TPMT: variants seen among roughly 807,000 people sequenced by gnomAD.
TPMT encodes the protein thiopurine S-methyltransferase.
A neutral mutation model predicts 34.2 loss-of-function variants in TPMT; 18 were observed. The observed-to-expected ratio is 0.53, with a 90% confidence interval of 0.36 to 0.78. The LOEUF (loss-of-function observed/expected upper bound fraction) is 0.78, where lower values mean the gene tolerates loss of function less well. TPMT is among the 30% of genes least tolerant of loss of function. The pLI, the probability that TPMT is intolerant of heterozygous loss-of-function variation, is 0.00. For missense variants in TPMT, 265 were observed against 288.1 expected (o/e 0.92, Z 0.58); for synonymous variants, 69 against 92.4 (o/e 0.75, Z 1.45).
chr6:18,153,724 A>G lies in TPMT; in HGVS notation c.-45+1309T>C, dbSNP rs1467542882. Among the ~76,000 whole-genome samples, 1 of 152,222 alleles carries G rather than the reference A, an allele frequency of 6.6e-6. No homozygotes were observed. The highest frequency in any genetic ancestry group is 1.9e-4 in the East Asian group (1 of 5,202). ...TATCTGATTTATATTGGGTACAGAAAAGCAAAAGAATGTTGCAGTTTTCTC... is the reference window on the plus strand; with the variant it reads ...TATCTGATTTATATTGGGTACAGAAGAGCAAAAGAATGTTGCAGTTTTCTC... On this transcript the variant is annotated intron_variant, in intron 1 of 8. Coordinates refer to ENST00000309983, the MANE Select transcript of TPMT (RefSeq NM_000367.5). This position sits in a 1 kb window ranked among gnomAD's most constrained non-coding sequence, Gnocchi z 4.2.
chr6:18,147,863 C>T lies in TPMT; in HGVS notation c.193G>A (p.Val65Ile). The change falls in exon 3 of 9, where the codon GTA (valine) becomes ATA (isoleucine). Residue 65 changes from valine to isoleucine, a missense_variant. Val to Ile is a conservative substitution (Grantham distance 29, BLOSUM62 3). Transcript: ENST00000309983. Reference protein sequence around the residue: ...TFLKGKSGLRVFFPLCGKAVE... With the variant: ...TFLKGKSGLRIFFPLCGKAVE... ...GCTTTTCCGCAAAGAGGAAAAAATA[C>T]CCTCAGTCCACTCTTGCCTTTAAGG... 1 of 1,613,866 alleles carries T rather than the reference C, an allele frequency of 6.2e-7. No individual in the cohort carries two copies. The highest frequency in any genetic ancestry group is 8.5e-7 in the Non-Finnish European group (1 of 1,179,936).
Position 18,153,001 on chromosome 6 carries a change from T to C in TPMT, c.-45+2032A>G, listed in dbSNP as rs1035496510. Among the ~76,000 whole-genome samples the C allele has an allele frequency of 6.6e-6, 1 of 152,236 alleles. No homozygotes were observed. The highest frequency in any genetic ancestry group is 1.5e-5 in the Non-Finnish European group (1 of 68,040). The stretch of plus-strand genomic sequence containing the variant: ...GGCCAAAAACTCCATCCTGTGATTG[T>C]GGTAACACCGCCATTTTTTGTGCAT... On this transcript the variant is annotated intron_variant, in intron 1 of 8. Transcript: ENST00000309983. This position sits in a 1 kb window ranked among gnomAD's most constrained non-coding sequence, Gnocchi z 4.2.
rs1783936458 is a variant in TPMT at position 18,131,377 on chromosome 6, G to T, written c.626-597C>A. Among the ~76,000 whole-genome samples, 2 of 151,844 alleles carry T rather than the reference G, an allele frequency of 1.3e-5. No individual in the cohort carries two copies. Among genetic ancestry groups the T allele is most frequent in the South Asian group, 4.1e-4 (2 of 4,820 alleles). On this transcript the variant is annotated intron_variant, in intron 8 of 8. Coordinates refer to ENST00000309983, the MANE Select transcript of TPMT (RefSeq NM_000367.5). The surrounding 1 kb of genome is among the most constrained non-coding windows in gnomAD (Gnocchi z 4.3). ...GAGGATCACTTGAGCCCAGGAGTTC[G>T]AGACCAGCCTGGGCAATGTGGTTAA...
intron 1 of TPMT, among the ~76,000 whole-genome samples, chr6:18,152,838 A>G (rs1466201180): frequency 1.3e-5 from 2 of 152,120 alleles, no homozygotes; most frequent in African/African-American, 2.4e-5. Flanking sequence ...TCTACCACTG[A>G]TATCAACCAA....
Position 18,138,905 on chromosome 6 carries a change from AAAAGT to A in TPMT, c.494+53_494+57del. Reference sequence around the variant, plus strand: ...CTAAGCTGATTTTCTAGAACCCAGAAAAAGTATAGTATACTAAAAAATTAAGACAG... The same window carrying A: ...CTAAGCTGATTTTCTAGAACCCAGAAATAGTATACTAAAAAATTAAGACAG... On this transcript the variant is annotated intron_variant, in intron 6 of 8. Coordinates refer to ENST00000309983, the MANE Select transcript of TPMT (RefSeq NM_000367.5). This position sits in a 1 kb window ranked among gnomAD's most constrained non-coding sequence, Gnocchi z 4.1. 1 of 1,421,636 alleles carries A rather than the reference AAAAGT, an allele frequency of 7.0e-7. No individual in the cohort carries two copies. The highest frequency in any genetic ancestry group is 9.8e-7 in the Non-Finnish European group (1 of 1,016,206). 88.1% of individuals were successfully genotyped at this position (1,421,636 alleles called of 1,614,324 possible).
At chr6:18,147,720 T>G in intron 3 of TPMT, 103 bp downstream of exon 3, 1 of 1,029,742 alleles carries the variant, frequency 9.7e-7, no homozygotes. Context: ...GGAATTTCTG[T>G]GTATTTCCTG....
In TPMT at chr6:18,149,468, CTTG is replaced by C. The variant is rs1784311259; in HGVS notation, c.-44-300_-44-298del. ...ATCATGCCCAGCTAATCTTTCTTTC[CTTG>C]TTTTTTTTTTTTTCAGAGACAAGGT... On this transcript the variant is annotated intron_variant, in intron 1 of 8. Coordinates refer to ENST00000309983, the MANE Select transcript of TPMT (RefSeq NM_000367.5). The surrounding 1 kb of genome is among the most constrained non-coding windows in gnomAD (Gnocchi z 5.0). Among the ~76,000 whole-genome samples the C allele has an allele frequency of 2.7e-5, 4 of 150,348 alleles. No homozygotes were observed. The highest frequency in any genetic ancestry group is 7.4e-5 in the African/African-American group (3 of 40,816).
At chr6:18,133,383 T>A (rs1210267632) in intron 7 of TPMT, among the ~76,000 whole-genome samples, 1 of 152,250 alleles carries the variant, frequency 6.6e-6, no homozygotes, top group African/African-American at 2.4e-5. Context: ...CCTGCACAAC[T>A]TCTGCATCCC....
intron 2 of TPMT, 41 bp from the exon 3 acceptor site, chr6:18,147,956 G>A (rs1784278995): frequency 6.9e-7 from 1 of 1,448,328 alleles, no homozygotes; most frequent in African/African-American, 1.4e-5. Flanking sequence ...CAATTGTATG[G>A]TAGGTGAACA....
In TPMT at chr6:18,146,191, CTG is replaced by C. The variant is rs1221943902; in HGVS notation, c.233+1630_233+1631del. On this transcript the variant is annotated intron_variant, in intron 3 of 8. Coordinates refer to ENST00000309983, the MANE Select transcript of TPMT (RefSeq NM_000367.5). This position sits in a 1 kb window ranked among gnomAD's most constrained non-coding sequence, Gnocchi z 6.2. ...CATATATATATATACATAAAAATAACTGTATTTACGTATATATACATATATAT... is the reference window on the plus strand; with the variant it reads ...CATATATATATATACATAAAAATAACTATTTACGTATATATACATATATAT... 1.3e-5 allele frequency among the ~76,000 whole-genome samples: 2 copies of C among 150,956 alleles called. No individual in the cohort carries two copies. Among genetic ancestry groups the C allele is most frequent in the African/African-American group, 4.9e-5 (2 of 41,068 alleles).
chr6:18,130,507 A>T lies in TPMT; in HGVS notation c.*161T>A, dbSNP rs1339133058. On this transcript the variant is annotated 3_prime_UTR_variant, in exon 9 of 9. Transcript: ENST00000309983. This position sits in a 1 kb window ranked among gnomAD's most constrained non-coding sequence, Gnocchi z 4.2. ...CATCTTTTTCTTCTAAAACTTTTTT[A>T]GAAAAAGTAAATGGCTTTACTAAAA... 1.0e-5 allele frequency: 6 copies of T among 586,686 alleles called. No homozygotes were observed. The highest frequency in any genetic ancestry group is 3.1e-5 in the Admixed American group (1 of 32,376). The allele number at this position is 586,686 out of a possible 1,614,324, so 36.3% of individuals were successfully genotyped here.
In TPMT at chr6:18,143,791, TTAGAG is replaced by T. The variant is rs1352405067; in HGVS notation, c.234-68_234-64del. ...TCAAATGACTAAATAGAGGGTTATA[TTAGAG>T]TAAGCATATATTTTCTTTAATTTAG... On this transcript the variant is annotated intron_variant, in intron 3 of 8. Transcript: ENST00000309983. The surrounding 1 kb of genome is among the most constrained non-coding windows in gnomAD (Gnocchi z 6.1). 3 of 1,585,426 alleles carry T rather than the reference TTAGAG, an allele frequency of 1.9e-6. No homozygotes were observed. The African/African-American group carries it at 4.1e-5, about 21-fold the overall frequency.
At position 18,140,470 on chromosome 6, in the gene TPMT, G is replaced by A. The variant is rs1005384625; in HGVS notation, c.367-753C>T. On this transcript the variant is annotated intron_variant, in intron 4 of 8. Transcript: ENST00000309983. This position sits in a 1 kb window ranked among gnomAD's most constrained non-coding sequence, Gnocchi z 4.7. ...TTTGGGAGGCTGAAGCAGGCAGATC[G>A]CTTGAGCCCAGGAGTATGAGACCAG... Among the ~76,000 whole-genome samples, 1 of 152,028 alleles carries A rather than the reference G, an allele frequency of 6.6e-6. No individual in the cohort carries two copies. Among genetic ancestry groups the A allele is most frequent in the East Asian group, 1.9e-4 (1 of 5,172 alleles).
At position 18,150,043 on chromosome 6, in the gene TPMT, A is replaced by C. The variant is rs567905846; in HGVS notation, c.-44-872T>G. Among the ~76,000 whole-genome samples, 1 of 152,218 alleles carries C rather than the reference A, an allele frequency of 6.6e-6. No individual in the cohort carries two copies. Among genetic ancestry groups the C allele is most frequent in the South Asian group, 2.1e-4 (1 of 4,828 alleles). Reference sequence around the variant, plus strand: ...CTACCTGGAGATAGTGTCAGATTCTATATGTTGGGGGCTCAGTCCCTAAGA... The same window carrying C: ...CTACCTGGAGATAGTGTCAGATTCTCTATGTTGGGGGCTCAGTCCCTAAGA... On this transcript the variant is annotated intron_variant, in intron 1 of 8. Transcript: ENST00000309983. The surrounding 1 kb of genome is among the most constrained non-coding windows in gnomAD (Gnocchi z 5.3).
At chr6:18,147,073 G>T (rs1784259990) in intron 3 of TPMT, among the ~76,000 whole-genome samples, 1 of 151,360 alleles carries the variant, frequency 6.6e-6, no homozygotes, top group African/African-American at 2.5e-5. Context: ...TACAGGCGGA[G>T]GCCACCACAC....
Position 18,138,268 on chromosome 6 carries a change from T to G in TPMT, c.494+695A>C, listed in dbSNP as rs1436226198. On this transcript the variant is annotated intron_variant, in intron 6 of 8. Coordinates refer to ENST00000309983, the MANE Select transcript of TPMT (RefSeq NM_000367.5). The surrounding 1 kb of genome is among the most constrained non-coding windows in gnomAD (Gnocchi z 4.1). ...ATGAAATATTTTGATTTTTTTGTTT[T>G]TTTTTTTTTTTAAATATTTTACAGA... Among the ~76,000 whole-genome samples, 1 of 151,170 alleles carries G rather than the reference T, an allele frequency of 6.6e-6. No individual in the cohort carries two copies. Among genetic ancestry groups the G allele is most frequent in the Non-Finnish European group, 1.5e-5 (1 of 67,792 alleles).
intron 1 of TPMT, among the ~76,000 whole-genome samples, chr6:18,152,014 C>A (rs1258989071): frequency 6.6e-6 from 1 of 152,186 alleles, no homozygotes; most frequent in South Asian, 2.1e-4. Flanking sequence ...AGAATAAATC[C>A]CCAAAGCCTG....
intron 3 of TPMT, among the ~76,000 whole-genome samples, chr6:18,147,342 A>T (rs892259105): frequency 1.3e-5 from 2 of 152,210 alleles, no homozygotes; most frequent in African/African-American, 4.8e-5. Flanking sequence ...CACTGGTTTT[A>T]TAACAATGAT....
chr6:18,149,560 C>T lies in TPMT; in HGVS notation c.-44-389G>A, dbSNP rs985467129. On this transcript the variant is annotated intron_variant, in intron 1 of 8. Coordinates refer to ENST00000309983, the MANE Select transcript of TPMT (RefSeq NM_000367.5). The surrounding 1 kb of genome is among the most constrained non-coding windows in gnomAD (Gnocchi z 5.0). ...CAAGCTTCAACCTCCTGGGCTCAAG[C>T]GATCCTCCCATTTCAGCCTCCCAAG... Among the ~76,000 whole-genome samples, 7 of 151,636 alleles carry T rather than the reference C, an allele frequency of 4.6e-5. No homozygotes were observed. The highest frequency in any genetic ancestry group is 1.0e-4 in the Non-Finnish European group (7 of 67,900).
Sources: gnomAD v4.1 joint callset for allele counts (sites outside exome capture counted in the v4.1 genomes callset) on GRCh38, gnomAD v4.1.1 for gene constraint, Gnocchi (gnomAD v3.1) non-coding constraint, MANE v1.5 for transcripts, NCBI Gene and HGNC (gene_info 2026-07-23, HGNC 2026-07-21) for gene names.